Variants in RESF1 observed in about 807,000 individuals in gnomAD.
RESF1 encodes retroelement silencing factor 1.
In RESF1, 65 loss-of-function variants were observed where a neutral mutation model predicts 134.7. The observed-to-expected ratio is 0.48, with a 90% confidence interval of 0.40 to 0.59. RESF1 has a LOEUF of 0.59. RESF1 is among the 20% of genes least tolerant of loss of function. The pLI is 0.00. For synonymous variants in RESF1, 762 were observed against 702.2 expected (o/e 1.09, Z -1.35); for missense variants, 2,274 against 2,002.7 (o/e 1.14, Z -2.59).
At chr12:31,970,626 A>C (rs776056036) in intron 3 of RESF1, among the ~76,000 whole-genome samples, 2 of 152,232 alleles carry the variant, frequency 1.3e-5, no homozygotes, top group Non-Finnish European at 2.9e-5. Context: ...GTGATACAAG[A>C]TGGTGACATC....
In RESF1 at chr12:31,982,420, A is replaced by C. The variant is rs778274645; in HGVS notation, c.1465A>C (p.Ile489Leu). Residue 489 changes from isoleucine (I) to leucine (L), a missense_variant, in exon 4 of 6, where the codon ATT (isoleucine) becomes CTT (leucine). Transcript: ENST00000312561. ...GACTCAATGTATGTTGAATTCTGAC[A>C]TTCAGGAAGTCAATTGCAGAAGGTT... ...NKTQCMLNSD[I>L]QEVNCRRFNQ... 6.2e-7 allele frequency: 1 copy of C among 1,613,990 alleles called. No individual in the cohort carries two copies. Among genetic ancestry groups the C allele is most frequent in the African/African-American group, 1.3e-5 (1 of 74,958 alleles).
chr12:31,960,024 C>T (rs1323236868), intron 1 of RESF1: 1 of 151,934 alleles, frequency 6.6e-6, no homozygotes, highest in Non-Finnish European at 1.5e-5. Context: ...TAAGCCGAAG[C>T]CTCCTGGAAC....
chr12:31,987,329 T>C lies in RESF1; in HGVS notation c.5086+7T>C, dbSNP rs767353230. ...AAAGACAGCCAAGAGAGAGGTAAAGTCATCTTTTTAAATCTTCATTCACTT... is the reference window on the plus strand; with the variant it reads ...AAAGACAGCCAAGAGAGAGGTAAAGCCATCTTTTTAAATCTTCATTCACTT... On this transcript the variant is annotated splice_region_variant and intron_variant, in intron 5 of 5. Coordinates refer to ENST00000312561, the MANE Select transcript of RESF1 (RefSeq NM_018169.4). 8 of 1,556,168 alleles carry C rather than the reference T, an allele frequency of 5.1e-6. No individual in the cohort carries two copies. Among genetic ancestry groups the C allele is most frequent in the Non-Finnish European group, 7.1e-6 (8 of 1,131,860 alleles).
At chr12:31,978,406 C>A (rs1478015653) in intron 3 of RESF1, among the ~76,000 whole-genome samples, 1 of 149,404 alleles carries the variant, frequency 6.7e-6, no homozygotes, top group East Asian at 2.0e-4. Context: ...TTTATACCAG[C>A]TAGGATCTCC....
At position 31,983,614 on chromosome 12, in the gene RESF1, A is replaced by T. The variant is rs1325962688; in HGVS notation, c.2659A>T (p.Ser887Cys). 1.9e-6 allele frequency: 3 copies of T among 1,614,106 alleles called. No homozygotes were observed. The South Asian group carries it at 3.3e-5, about 18-fold the overall frequency. Residue 887 changes from serine (S) to cysteine (C), a missense_variant, in exon 4 of 6, where the codon AGT becomes TGT. Physicochemically the swap from Ser to Cys is moderately radical, Grantham distance 112. Coordinates refer to ENST00000312561, the MANE Select transcript of RESF1 (RefSeq NM_018169.4). The stretch of plus-strand genomic sequence containing the variant: ...GTCAAGGAATAGTACTGTTGTGAGT[A>T]GTGATACATTACAGATTGACAATAT... The part of the protein sequence containing the change: ...QESRNSTVVS[S>C]DTLQIDNICS...
Position 31,992,609 on chromosome 12 carries a change from A to G in RESF1, c.*74A>G. The G allele has an allele frequency of 7.4e-7, 1 of 1,343,266 alleles. No individual in the cohort carries two copies. Among genetic ancestry groups the G allele is most frequent in the South Asian group, 1.2e-5 (1 of 80,920 alleles). The allele number at this position is 1,343,266 out of a possible 1,614,324, so 83.2% of individuals were successfully genotyped here. On this transcript the variant is annotated 3_prime_UTR_variant, in exon 6 of 6. Transcript: ENST00000312561. ...CTGTTCAAAATATTTCGCTGAAACTAATGAGAAATGCCATGATAAAGATTT... is the reference window on the plus strand; with the variant it reads ...CTGTTCAAAATATTTCGCTGAAACTGATGAGAAATGCCATGATAAAGATTT...
Position 31,982,874 on chromosome 12 carries a change from T to A in RESF1, c.1919T>A (p.Val640Glu). 6.2e-7 allele frequency: 1 copy of A among 1,614,092 alleles called. No individual in the cohort carries two copies. The highest frequency in any genetic ancestry group is 8.5e-7 in the Non-Finnish European group (1 of 1,179,994). The change falls in exon 4 of 6, where the codon GTA becomes GAA. Residue 640 changes from valine (V) to glutamate (E), a missense_variant. Transcript: ENST00000312561. The stretch of plus-strand genomic sequence containing the variant: ...ATGGAAACTCCAAGTACTTCTAATG[T>A]AAGTGGCAGGGTTTTGGACAACTCC... ...KNMETPSTSN[V>E]SGRVLDNSFC... is the part of the protein sequence containing the mutation.
intron 3 of RESF1, among the ~76,000 whole-genome samples, chr12:31,971,954 A>G (rs1208727889): frequency 6.6e-6 from 1 of 152,208 alleles, no homozygotes; most frequent in Admixed American, 6.5e-5. Flanking sequence ...TAAGTTGATC[A>G]CCAATAGCCA....
intron 3 of RESF1, among the ~76,000 whole-genome samples, chr12:31,975,466 T>A (rs192396829): frequency 1.3e-5 from 2 of 152,372 alleles, no homozygotes; most frequent in African/African-American, 4.8e-5. Flanking sequence ...TGATAAATGC[T>A]TAATAGTATG....
intron 3 of RESF1, among the ~76,000 whole-genome samples, chr12:31,977,988 A>G (rs1436463822): frequency 7.9e-5 from 12 of 151,312 alleles, no homozygotes; most frequent in Non-Finnish European, 1.8e-4. Context: ...TATTTTTGGT[A>G]GAGACAGGAT....
Position 31,985,829 on chromosome 12 carries a change from G to GT in RESF1, c.4875dup (p.Asn1626Ter), listed in dbSNP as rs1373034987. ...CATAAGACCTTTTTACCGGTGAAAG[G>GT]TAACACAGAAAAATCAAACATGCTG... On this transcript the variant is annotated frameshift_variant, in exon 4 of 6. Coordinates refer to ENST00000312561, the MANE Select transcript of RESF1 (RefSeq NM_018169.4). LOFTEE classifies it high-confidence loss of function. 1 of 1,565,614 alleles carries GT rather than the reference G, an allele frequency of 6.4e-7. No homozygotes were observed. Among genetic ancestry groups the GT allele is most frequent in the Non-Finnish European group, 8.6e-7 (1 of 1,164,006 alleles).
At position 31,983,478 on chromosome 12, in the gene RESF1, T is replaced by G. The variant is rs140877209; in HGVS notation, c.2523T>G (p.Asn841Lys). ...IFPLTQKEKQ[N>K]ESTNGNSEVT... ...CACTAACTCAGAAGGAAAAGCAGAATGAGTCAACTAATGGTAATTCAGAAG... is the reference window on the plus strand; with the variant it reads ...CACTAACTCAGAAGGAAAAGCAGAAGGAGTCAACTAATGGTAATTCAGAAG... The change falls in exon 4 of 6, where the codon AAT (asparagine) becomes AAG (lysine). Residue 841 changes from asparagine (N) to lysine (K), a missense_variant. Transcript: ENST00000312561. 24 of 1,613,968 alleles carry G rather than the reference T, an allele frequency of 1.5e-5. No individual in the cohort carries two copies. Among genetic ancestry groups the G allele is most frequent in the Non-Finnish European group, 2.0e-5 (24 of 1,180,030 alleles).
At position 31,984,085 on chromosome 12, in the gene RESF1, G is replaced by A; in HGVS notation, c.3130G>A (p.Asp1044Asn). The change falls in exon 4 of 6, where the codon GAT becomes AAT. Residue 1044 changes from aspartate (D) to asparagine (N), a missense_variant. Asp to Asn is a conservative substitution (Grantham distance 23). Coordinates refer to ENST00000312561, the MANE Select transcript of RESF1 (RefSeq NM_018169.4). ...TCCTGCAAGAAATGAAATCCACAGTGATAAGGCACCTGTCTTATACCTACA... is the reference window on the plus strand; with the variant it reads ...TCCTGCAAGAAATGAAATCCACAGTAATAAGGCACCTGTCTTATACCTACA... Reference protein sequence around the residue: ...QDPARNEIHSDKAPVLYLHDQ... With the variant: ...QDPARNEIHSNKAPVLYLHDQ... The A allele has an allele frequency of 1.9e-6, 3 of 1,614,044 alleles. No individual in the cohort carries two copies. Among genetic ancestry groups the A allele is most frequent in the Non-Finnish European group, 1.7e-6 (2 of 1,179,992 alleles).
intron 2 of RESF1, among the ~76,000 whole-genome samples, chr12:31,965,170 T>C (rs927678192): frequency 2.0e-5 from 3 of 152,170 alleles, no homozygotes. Flanking sequence ...TTGGCCAGGC[T>C]GGTCTCGAAC....
rs1389213244 is a variant in RESF1, at chr12:31,985,767, C to T, written c.4812C>T (p.Pro1604=). Residue 1604 remains proline, a synonymous_variant, in exon 4 of 6, where the codon CCC becomes CCT. Transcript: ENST00000312561. Reference sequence around the variant, plus strand: ...CTCTCACCAAATTAGAAAGTTCACCCAGGAAGCTTCATAAAGATAAGAGAC... The same window carrying T: ...CTCTCACCAAATTAGAAAGTTCACCTAGGAAGCTTCATAAAGATAAGAGAC... ...SISLTKLESS[P]RKLHKDKRQE... The T allele has an allele frequency of 1.9e-6, 3 of 1,571,890 alleles. No individual in the cohort carries two copies. The highest frequency in any genetic ancestry group is 2.8e-5 in the African/African-American group (2 of 72,426).
Position 31,981,210 on chromosome 12 carries a change from C to T in RESF1, c.255C>T (p.Ala85=). The part of the protein sequence containing the change: ...VSDMHNGTVV[A]SHTSVERITY... ...ATATGCATAATGGGACAGTTGTGGC[C>T]TCACACACTTCAGTAGAAAGAATAA... The change falls in exon 4 of 6, where the codon GCC becomes GCT. Residue 85 remains alanine (A), a synonymous_variant. Coordinates refer to ENST00000312561, the MANE Select transcript of RESF1 (RefSeq NM_018169.4). The T allele has an allele frequency of 1.9e-6, 3 of 1,614,084 alleles. No homozygotes were observed. The highest frequency in any genetic ancestry group is 1.7e-5 in the Admixed American group (1 of 60,020).
At position 31,982,542 on chromosome 12, in the gene RESF1, A is replaced by C; in HGVS notation, c.1587A>C (p.Thr529=). 1 of 1,613,860 alleles carries C rather than the reference A, an allele frequency of 6.2e-7. No individual in the cohort carries two copies. Among genetic ancestry groups the C allele is most frequent in the Non-Finnish European group, 8.5e-7 (1 of 1,180,020 alleles). The change falls in exon 4 of 6, where the codon ACA becomes ACC. Residue 529 remains threonine (T), a synonymous_variant. Coordinates refer to ENST00000312561, the MANE Select transcript of RESF1 (RefSeq NM_018169.4). The part of the protein sequence containing the change: ...SHDVKVLTSK[T]SAVEMTQAVL... ...ATGTGAAAGTTCTCACTTCAAAGAC[A>C]TCAGCTGTTGAGATGACCCAGGCAG...
rs1349121099 is a variant in RESF1 at position 31,980,926 on chromosome 12, G to A, written c.-30G>A. On this transcript the variant is annotated 5_prime_UTR_variant, in exon 4 of 6. Coordinates refer to ENST00000312561, the MANE Select transcript of RESF1 (RefSeq NM_018169.4). ...CTTGTAACTGACTTATAACTGACTT[G>A]TAATACACTGCTACTATATCAAACC... The A allele has an allele frequency of 1.3e-6, 2 of 1,509,328 alleles. No individual in the cohort carries two copies. The highest frequency in any genetic ancestry group is 1.8e-6 in the Non-Finnish European group (2 of 1,111,982). 93.5% of individuals were successfully genotyped at this position (1,509,328 alleles called of 1,614,324 possible). A position where few individuals can be genotyped will look rare whatever the true frequency, so the allele number is the denominator to read the frequency against.
At chr12:31,964,709 T>C (rs571759886) in intron 2 of RESF1, among the ~76,000 whole-genome samples, 69 of 152,328 alleles carry the variant, frequency 4.5e-4, no homozygotes, top group African/African-American at 1.6e-3. Context: ...TACCTGATGA[T>C]TAGTCATGTT....
Sources: gnomAD v4.1 joint callset for allele counts (sites outside exome capture counted in the v4.1 genomes callset) on GRCh38, gnomAD v4.1.1 for gene constraint, MANE v1.5 for transcripts, NCBI Gene and HGNC (gene_info 2026-07-23, HGNC 2026-07-21) for gene names.